MYO15A: variants seen among roughly 807,000 people sequenced by gnomAD.
The protein encoded by MYO15A is myosin XVA.
In MYO15A, 308 loss-of-function variants were observed where a neutral mutation model predicts 394.6. That is an observed-to-expected ratio of 0.78 (90% CI 0.71 to 0.86). The LOEUF is 0.86. Ranked by LOEUF, MYO15A falls within the 40% of genes least tolerant of loss-of-function variation. The probability of loss-of-function intolerance (pLI) is 0.00; values close to 1 mark genes in which losing one functional copy is unlikely to be tolerated. For synonymous variants in MYO15A, 1,957 were observed against 2,003.8 expected, an observed-to-expected ratio of 0.98 and a Z score of 0.62; for missense variants, 4,606 against 4,799.1, an observed-to-expected ratio of 0.96 and a Z score of 1.19.
chr17:18,161,311 T>C lies in MYO15A; in HGVS notation c.9387-6T>C. 1 of 1,613,654 alleles carries C rather than the reference T, an allele frequency of 6.2e-7. No individual in the cohort carries two copies. The highest frequency in any genetic ancestry group is 8.5e-7 in the Non-Finnish European group (1 of 1,179,948). ...CCTCTGCTGTAGCCCCCATGTGTCC[T>C]TGCAGGGACAGCTGCCAGCGAGGCT... On this transcript the variant is annotated splice_region_variant and splice_polypyrimidine_tract_variant and intron_variant, in intron 56 of 65. Transcript: ENST00000647165.
Position 18,130,115 on chromosome 17 carries a change from G to A in MYO15A, c.4033-690G>A, listed in dbSNP as rs548941058. ...AGGATAGTCTGGATCTCCGGGCCTC[G>A]TGATCTGCCCACCTCGGCCTCCCAA... On this transcript the variant is annotated intron_variant, in intron 7 of 65. Coordinates refer to ENST00000647165, the MANE Select transcript of MYO15A (RefSeq NM_016239.4). 2.0e-4 allele frequency among the ~76,000 whole-genome samples: 31 copies of A among 152,230 alleles called. No homozygotes were observed. In the Middle Eastern group the frequency reaches 0.01, roughly 50 times the overall value.
At chr17:18,127,234 G>A (rs1277391635) in intron 7 of MYO15A, 69 bp downstream of exon 7, 33 of 1,556,006 alleles carry the variant, frequency 2.1e-5, no homozygotes, top group Non-Finnish European at 2.4e-5. Context: ...ATGTACTCCC[G>A]AAGAGGCAAG....
At chr17:18,141,532 T>C in intron 22 of MYO15A, 121 bp from the exon 23 acceptor site, 4 of 937,902 alleles carry the variant, frequency 4.3e-6, no homozygotes, top group Admixed American at 1.7e-5. Flanking sequence ...AATAAACTAT[T>C]TGTGGAGCCA....
chr17:18,126,213 G>A (rs2046035343), intron 4 of MYO15A, 134 bp from the exon 5 acceptor site: 1 of 758,980 alleles, frequency 1.3e-6, no homozygotes, highest in Non-Finnish European at 2.3e-6. Flanking sequence ...GAGGGCTCTA[G>A]ATGGGAATCC....
chr17:18,166,402 G>T lies in MYO15A; in HGVS notation c.9829G>T (p.Asp3277Tyr). 2 of 1,613,970 alleles carry T rather than the reference G, an allele frequency of 1.2e-6. No homozygotes were observed. The highest frequency in any genetic ancestry group is 1.7e-6 in the Non-Finnish European group (2 of 1,180,040). Residue 3277 changes from aspartate (D) to tyrosine (Y), a missense_variant, in exon 61 of 66, where the codon GAT becomes TAT. Physicochemically the swap from Asp to Tyr is radical, Grantham distance 160. This residue lies in a region of MYO15A where 2,776 missense variants were observed against 3,109.3 expected (regional missense o/e 0.89). Transcript: ENST00000647165. ...ACTCAGTCGCCGTGCTTACATCCTGGATGTGGCCTCAGAGATGGAGCAGGT... is the reference window on the plus strand; with the variant it reads ...ACTCAGTCGCCGTGCTTACATCCTGTATGTGGCCTCAGAGATGGAGCAGGT... ...CPLSRRAYIL[D>Y]VASEMEQVDG... is the part of the protein sequence containing the mutation.
At chr17:18,111,756 C>T (rs1162883662) in intron 1 of MYO15A, among the ~76,000 whole-genome samples, 1 of 152,230 alleles carries the variant, frequency 6.6e-6, no homozygotes, top group Non-Finnish European at 1.5e-5. Flanking sequence ...ATGACGTTGG[C>T]AGTCATAACA....
chr17:18,114,466 G>A (rs2045761233), intron 1 of MYO15A, among the ~76,000 whole-genome samples: 1 of 152,046 alleles, frequency 6.6e-6, no homozygotes, highest in Non-Finnish European at 1.5e-5. Context: ...TGGTCAGGCT[G>A]GTCTCGAACT....
chr17:18,126,184 G>A (rs1003226324), intron 4 of MYO15A, among the ~76,000 whole-genome samples, 163 bp from the exon 5 acceptor site: 3 of 152,250 alleles, frequency 2.0e-5, no homozygotes, highest in South Asian at 2.1e-4. Flanking sequence ...GTTAGAGCAC[G>A]TAGCCCAGCT....
At chr17:18,155,507 C>A in intron 47 of MYO15A, 75 bp downstream of exon 47, 1 of 1,346,098 alleles carries the variant, frequency 7.4e-7, no homozygotes, top group Non-Finnish European at 1.1e-6. Flanking sequence ...TTCCCCTCCA[C>A]AGCCACTTAC....
chr17:18,134,903 C>G (rs2046235974), intron 12 of MYO15A, among the ~76,000 whole-genome samples: 1 of 151,572 alleles, frequency 6.6e-6, no homozygotes, highest in Non-Finnish European at 1.5e-5. Flanking sequence ...TTTTTTGAGA[C>G]AGGGTCTCAC....
rs752506120 is a variant in MYO15A, at chr17:18,150,714, C to T, written c.7344C>T (p.Ala2448=). 30 of 1,589,816 alleles carry T rather than the reference C, an allele frequency of 1.9e-5. No homozygotes were observed. In the South Asian group the frequency reaches 3.4e-4, roughly 18 times the overall value. The change falls in exon 37 of 66, where the codon GCC becomes GCT. Residue 2448 remains alanine, a synonymous_variant. Transcript: ENST00000647165. This position sits in a 1 kb window ranked among gnomAD's most constrained non-coding sequence, Gnocchi z 4.4. ...PEPKPIPGLD[A]STLALQQAFI... The stretch of plus-strand genomic sequence containing the variant: ...TCCCCTCAGTCCCAGGCCTGGATGC[C>T]TCCACATTGGCTCTGCAGCAAGCCT...
At chr17:18,160,515 A>G (rs534518935) in intron 56 of MYO15A, among the ~76,000 whole-genome samples, 56 of 152,312 alleles carry the variant, frequency 3.7e-4, no homozygotes, top group African/African-American at 1.3e-3. Context: ...GACTGACCCA[A>G]TATTTGCTGT....
At chr17:18,154,637 G>A (rs201332480) in intron 44 of MYO15A, 43 bp from the exon 45 acceptor site, 6 of 1,600,896 alleles carry the variant, frequency 3.7e-6, no homozygotes, top group Admixed American at 1.7e-5. Context: ...GTCCCAGCTG[G>A]GGGAGTCCCA....
rs992088282 is a variant in MYO15A at position 18,122,292 on chromosome 17, T to A, written c.3492T>A (p.Tyr1164Ter). The change falls in exon 2 of 66, where the codon TAT (tyrosine) becomes TAA (stop). Residue 1164 changes from tyrosine (Y) to a stop codon, truncating the protein, a stop_gained. Transcript: ENST00000647165. LOFTEE classifies it high-confidence loss of function. The stretch of plus-strand genomic sequence containing the variant: ...GCCTCTGGCTTCGGGCAGATGCCTA[T>A]GGACCCTGGCCACGAGTACACACCC... ...WSCLWLRADA[Y>*]GPWPRVHTHP... The A allele has an allele frequency of 3.1e-6, 5 of 1,612,954 alleles. No homozygotes were observed. The African/African-American group carries it at 6.7e-5, about 22-fold the overall frequency.
intron 51 of MYO15A, among the ~76,000 whole-genome samples, chr17:18,158,145 G>C (rs1408472136): frequency 6.6e-6 from 1 of 152,106 alleles, no homozygotes; most frequent in Non-Finnish European, 1.5e-5. Context: ...TCAGCTGGTT[G>C]TAATCAGGAC....
rs557335531 is a variant in MYO15A, at chr17:18,171,992, G to A, written c.10217-165G>A. On this transcript the variant is annotated intron_variant, in intron 63 of 65. Coordinates refer to ENST00000647165, the MANE Select transcript of MYO15A (RefSeq NM_016239.4). ...GGAAGAAGAGCTGCAAGCAGGGATAGAGGAAGAGGCCATGAGAAGGGAGGC... is the reference window on the plus strand; with the variant it reads ...GGAAGAAGAGCTGCAAGCAGGGATAAAGGAAGAGGCCATGAGAAGGGAGGC... Among the ~76,000 whole-genome samples the A allele has an allele frequency of 2.0e-5, 3 of 152,342 alleles. No homozygotes were observed. In the East Asian group the frequency reaches 5.8e-4, roughly 29 times the overall value.
rs146789657 is a variant in MYO15A, at chr17:18,145,085, G to C, written c.6273+493G>C. On this transcript the variant is annotated intron_variant, in intron 29 of 65. Transcript: ENST00000647165. Reference sequence around the variant, plus strand: ...AAAGTACACAGAGAAGAGGAAATTGGTGTGGTCAGAACAGAGTCAAGAGGG... The same window carrying C: ...AAAGTACACAGAGAAGAGGAAATTGCTGTGGTCAGAACAGAGTCAAGAGGG... Among the ~76,000 whole-genome samples, 503 of 152,274 alleles carry C rather than the reference G, an allele frequency of 3.3e-3. 1 individual carries two copies. Among genetic ancestry groups the C allele is most frequent in the Middle Eastern group, 0.01 (3 of 294 alleles).
At position 18,159,261 on chromosome 17, in the gene MYO15A, C is replaced by A; in HGVS notation, c.9157-14C>A. 6.2e-7 allele frequency: 1 copy of A among 1,614,124 alleles called. No homozygotes were observed. Among genetic ancestry groups the A allele is most frequent in the Non-Finnish European group, 8.5e-7 (1 of 1,179,956 alleles). On this transcript the variant is annotated splice_polypyrimidine_tract_variant and intron_variant, in intron 53 of 65. Coordinates refer to ENST00000647165, the MANE Select transcript of MYO15A (RefSeq NM_016239.4). ...GTCCCTCCTCCATCATGACACAGCC[C>A]TCTTCCCCCACAGACTCCCCTCCAG...
intron 52 of MYO15A, 78 bp from the exon 53 acceptor site, chr17:18,158,847 G>C (rs538141414): frequency 6.4e-7 from 1 of 1,560,454 alleles, no homozygotes; most frequent in Non-Finnish European, 8.8e-7. Flanking sequence ...CCCCTCCCTG[G>C]GGGTTCTTTC....
Sources: allele counts gnomAD v4.1 joint callset (sites outside exome capture counted in the v4.1 genomes callset), GRCh38; gene constraint gnomAD v4.1.1; regional missense constraint gnomAD v4.1.1; non-coding constraint Gnocchi (gnomAD v3.1); transcripts MANE v1.5; gene names NCBI Gene and HGNC (gene_info 2026-07-23, HGNC 2026-07-21).